The following GRIN2A variants were observed in gnomAD, a reference collection of about 807,000 sequenced individuals.
GRIN2A encodes the protein glutamate ionotropic receptor NMDA type subunit 2A.
A neutral mutation model predicts 113.4 loss-of-function variants in GRIN2A; 22 were observed. That is an observed-to-expected ratio of 0.19 (90% CI 0.14 to 0.28). The LOEUF is 0.28. GRIN2A is among the 10% of genes least tolerant of loss of function. The probability of loss-of-function intolerance (pLI) is 1.00; values close to 1 mark genes in which losing one functional copy is unlikely to be tolerated. For missense variants in GRIN2A, 1,502 were observed against 1,887.0 expected, an observed-to-expected ratio of 0.80 and a Z score of 3.78; for synonymous variants, 827 against 738.4, an observed-to-expected ratio of 1.12 and a Z score of -1.94.
intron 2 of GRIN2A, among the ~76,000 whole-genome samples, chr16:10,046,661 G>T (rs559906228): frequency 8.5e-5 from 13 of 152,126 alleles, no homozygotes; most frequent in Admixed American, 3.9e-4. Context: ...CACACACACA[G>T]CTCTTAATTT....
intron 2 of GRIN2A, among the ~76,000 whole-genome samples, chr16:10,043,711 G>T (rs1484274450): frequency 1.3e-5 from 2 of 151,896 alleles, no homozygotes; most frequent in Non-Finnish European, 2.9e-5. Flanking sequence ...ATTGTTTCAA[G>T]CATCTTAACC....
chr16:9,853,053 T>C (rs893805599), intron 4 of GRIN2A, among the ~76,000 whole-genome samples: 1 of 152,132 alleles, frequency 6.6e-6, no homozygotes, highest in Admixed American at 6.5e-5. Context: ...AGAGAGCATA[T>C]AGGAGAAAAG....
chr16:10,093,256 C>A (rs996022475), intron 2 of GRIN2A, among the ~76,000 whole-genome samples: 2 of 152,198 alleles, frequency 1.3e-5, no homozygotes, highest in African/African-American at 2.4e-5. Context: ...ATTGCTCTTG[C>A]AGCCTGCAGG....
intron 3 of GRIN2A, among the ~76,000 whole-genome samples, chr16:9,917,762 A>C (rs2141571866): frequency 6.6e-6 from 1 of 152,282 alleles, no homozygotes. Flanking sequence ...TTAAGGACCA[A>C]GTTTACACCA....
At chr16:9,872,894 A>C (rs945883461) in intron 4 of GRIN2A, among the ~76,000 whole-genome samples, 15 of 151,962 alleles carry the variant, frequency 9.9e-5, no homozygotes, top group Non-Finnish European at 4.4e-5. Context: ...AAAACAAAAA[A>C]ACTAGCCAGG....
At chr16:9,932,910 A>G (rs2044630013) in intron 3 of GRIN2A, among the ~76,000 whole-genome samples, 1 of 152,136 alleles carries the variant, frequency 6.6e-6, no homozygotes, top group Non-Finnish European at 1.5e-5. Context: ...CTTAACCGTG[A>G]TGCCACTGCC....
intron 3 of GRIN2A, among the ~76,000 whole-genome samples, chr16:9,921,516 T>C (rs1596591532): frequency 6.6e-6 from 1 of 152,342 alleles, no homozygotes; most frequent in African/African-American, 2.4e-5. Flanking sequence ...CTTTTTCTCA[T>C]GTGAAAATAG....
intron 4 of GRIN2A, among the ~76,000 whole-genome samples, chr16:9,862,081 T>A (rs5003769): frequency 0.37 from 55,863 of 152,020 alleles, 11,387 homozygotes; most frequent in African/African-American, 0.55. Flanking sequence ...TTCTGCTCCG[T>A]GTGGTCTAAG....
intron 10 of GRIN2A, among the ~76,000 whole-genome samples, chr16:9,819,632 T>G (rs2042244522): frequency 1.3e-5 from 2 of 152,128 alleles, no homozygotes; most frequent in Admixed American, 6.6e-5. Flanking sequence ...ATAACTGCTG[T>G]GCTTTCATCC....
At position 9,762,159 on chromosome 16, in the gene GRIN2A, A is replaced by C. The variant is rs1900612985; in HGVS notation, c.*990T>G. 4.6e-6 allele frequency: 1 copy of C among 217,520 alleles called. No homozygotes were observed. Among genetic ancestry groups the C allele is most frequent in the Non-Finnish European group, 9.3e-6 (1 of 107,876 alleles). 13.5% of individuals were successfully genotyped at this position (217,520 alleles called of 1,614,324 possible). On this transcript the variant is annotated 3_prime_UTR_variant, in exon 13 of 13. Coordinates refer to ENST00000330684, the MANE Select transcript of GRIN2A (RefSeq NM_001134407.3). ...CTCTGGGAAGAGCGATACACAGCTA[A>C]TTGGACACCACCATGGCTGTTTGGA... is the stretch of plus-strand genomic sequence containing the variant.
At chr16:9,934,026 T>C (rs1365624371) in intron 3 of GRIN2A, among the ~76,000 whole-genome samples, 1 of 152,204 alleles carries the variant, frequency 6.6e-6, no homozygotes. Context: ...TTCCCTTCTA[T>C]GGAGAGAACA....
chr16:10,067,688 G>A (rs1295660634), intron 2 of GRIN2A, among the ~76,000 whole-genome samples: 2 of 152,120 alleles, frequency 1.3e-5, no homozygotes, highest in East Asian at 3.9e-4. Flanking sequence ...ATGGGAGGCT[G>A]AGATTACCCA....
At chr16:10,045,898 C>CAT (rs2047249233) in intron 2 of GRIN2A, among the ~76,000 whole-genome samples, 1 of 152,202 alleles carries the variant, frequency 6.6e-6, no homozygotes, top group Admixed American at 6.5e-5. Context: ...CTGACCAGAT[C>CAT]GTGTTTCTTT....
chr16:9,959,122 C>A (rs1202666524), intron 2 of GRIN2A, among the ~76,000 whole-genome samples: 1 of 152,146 alleles, frequency 6.6e-6, no homozygotes, highest in Admixed American at 6.6e-5. Flanking sequence ...CATTCCTATT[C>A]AAATATTTGG....
intron 2 of GRIN2A, among the ~76,000 whole-genome samples, chr16:10,124,313 T>C (rs555994983): frequency 6.6e-6 from 1 of 152,098 alleles, no homozygotes; most frequent in Non-Finnish European, 1.5e-5. Flanking sequence ...AAACCTACCA[T>C]GTAGGGATAC....
chr16:9,785,347 C>A (rs968885432), intron 11 of GRIN2A, among the ~76,000 whole-genome samples: 8 of 149,140 alleles, frequency 5.4e-5, no homozygotes, highest in African/African-American at 1.7e-4. Context: ...GGACAAAAAA[C>A]CAAACACCAC....
At chr16:9,856,333 T>C (rs538065201) in intron 4 of GRIN2A, among the ~76,000 whole-genome samples, 3 of 152,220 alleles carry the variant, frequency 2.0e-5, no homozygotes, top group East Asian at 3.9e-4. Context: ...GCCACAGAGT[T>C]GTTATAAAGA....
Position 9,763,649 on chromosome 16 carries a change from G to A in GRIN2A, c.3895C>T (p.Pro1299Ser), listed in dbSNP as rs2141128682. 1 of 1,613,376 alleles carries A rather than the reference G, an allele frequency of 6.2e-7. No homozygotes were observed. Among genetic ancestry groups the A allele is most frequent in the East Asian group, 2.2e-5 (1 of 44,880 alleles). ...QHSYDNIVDK[P>S]RELDLSRPSR... ...GGCCTGCTAAGGTCTAGCTCCCTAG[G>A]TTTGTCGACAATGTTATCGTAGGAA... The change falls in exon 13 of 13, where the codon CCT becomes TCT. Residue 1299 changes from proline to serine, a missense_variant. Physicochemically the swap from Pro to Ser is moderately conservative, Grantham distance 74. Around this residue, in one of 7 missense-constraint regions of GRIN2A, gnomAD observed 832 missense variants for 789.7 expected, o/e 1.05. Transcript: ENST00000330684.
At chr16:9,949,088 C>A (rs1010111485) in intron 2 of GRIN2A, among the ~76,000 whole-genome samples, 1 of 152,194 alleles carries the variant, frequency 6.6e-6, no homozygotes, top group Non-Finnish European at 1.5e-5. Flanking sequence ...GCTGCCGCCT[C>A]CTCTCTCCCC....
Sources: allele counts gnomAD v4.1 joint callset (sites outside exome capture counted in the v4.1 genomes callset), GRCh38; gene constraint gnomAD v4.1.1; regional missense constraint gnomAD v4.1.1; transcripts MANE v1.5; gene names NCBI Gene and HGNC (gene_info 2026-07-23, HGNC 2026-07-21).